The following ZNF782 variants were observed in gnomAD, a reference collection of about 807,000 sequenced individuals.
The protein encoded by ZNF782 is zinc finger protein 782.
A neutral mutation model predicts 13.0 loss-of-function variants in ZNF782; 12 were observed. That is an observed-to-expected ratio of 0.92 (90% CI 0.59 to 1.50). ZNF782 has a LOEUF of 1.50. Among genes scored for constraint, ZNF782 ranks in the 40% most tolerant of loss-of-function variants. The probability of loss-of-function intolerance (pLI) is 0.00; values close to 1 mark genes in which losing one functional copy is unlikely to be tolerated. For synonymous variants in ZNF782, 284 were observed against 283.0 expected (o/e 1.00, Z -0.04); for missense variants, 770 against 822.9 (o/e 0.94, Z 0.79).
At chr9:96,879,970 C>CTTT (rs980460970), upstream of ZNF782, among the ~76,000 whole-genome samples, 32 of 151,032 alleles carry the variant, frequency 2.1e-4, no homozygotes, top group Admixed American at 8.6e-4. Flanking sequence ...ATTTGTATGC[C>CTTT]TTTTCTTTTC....
the ZNF782 span, chr9:96,902,779 T>TTTATTATTATTATTATTA: frequency 4.3e-3 from 600 of 138,796 alleles, 8 homozygotes; most frequent in African/African-American, 0.015. Flanking sequence ...GTTCTATCAG[T>TTTATTATTATTATTATTA]TTATTATTAT....
At chr9:96,925,107 G>A in the ZNF782 span, among the ~76,000 whole-genome samples, 2 of 152,160 alleles carry the variant, frequency 1.3e-5, no homozygotes, top group African/African-American at 2.4e-5. Context: ...CTCGCGCTGC[G>A]TCGTCTCCCT....
chr9:96,870,239 G>A (rs1245037983), intron 1 of ZNF782, among the ~76,000 whole-genome samples: 1 of 152,136 alleles, frequency 6.6e-6, no homozygotes, highest in Non-Finnish European at 1.5e-5. Context: ...TTTTCTATTT[G>A]ATTGTCTTTC....
chr9:96,851,915 A>T (rs1347005878), intron 3 of ZNF782, 32 bp downstream of exon 3: 1 of 1,608,542 alleles, frequency 6.2e-7, no homozygotes, highest in Admixed American at 1.7e-5. Context: ...AATCCATTAC[A>T]ATACAAAGTG....
At chr9:96,823,800 T>C (rs1054659585) in intron 5 of ZNF782, among the ~76,000 whole-genome samples, 2 of 152,250 alleles carry the variant, frequency 1.3e-5, no homozygotes, top group African/African-American at 2.4e-5. Context: ...TTAGTTGATA[T>C]GGCAAATATG....
the ZNF782 span, among the ~76,000 whole-genome samples, chr9:96,901,510 G>A: frequency 6.6e-6 from 1 of 151,690 alleles, no homozygotes; most frequent in Admixed American, 6.6e-5. Flanking sequence ...GACCTAAGGA[G>A]ATCCTCCCAC....
the ZNF782 span, among the ~76,000 whole-genome samples, chr9:96,919,565 GTTTT>G: frequency 2.0e-5 from 2 of 98,306 alleles, no homozygotes; most frequent in Admixed American, 1.0e-4. Flanking sequence ...TCTCAAATGA[GTTTT>G]TTTTTTTTTT....
the ZNF782 span, among the ~76,000 whole-genome samples, chr9:96,917,869 T>A: frequency 2.0e-5 from 3 of 147,664 alleles, no homozygotes; most frequent in African/African-American, 7.6e-5. Flanking sequence ...GATTACAGAT[T>A]CATACCACCA....
intron 3 of ZNF782, among the ~76,000 whole-genome samples, chr9:96,851,657 A>T (rs1250365582): frequency 6.6e-6 from 1 of 152,210 alleles, no homozygotes; most frequent in African/African-American, 2.4e-5. Flanking sequence ...CCATTATATT[A>T]TTCACAATAT....
chr9:96,831,481 G>A (rs972844227), intron 4 of ZNF782, among the ~76,000 whole-genome samples: 1 of 152,014 alleles, frequency 6.6e-6, no homozygotes, highest in Non-Finnish European at 1.5e-5. Flanking sequence ...AGGCCGAGAC[G>A]GGCGGATCAC....
intron 4 of ZNF782, among the ~76,000 whole-genome samples, chr9:96,839,943 C>G (rs2118661581): frequency 6.6e-6 from 1 of 152,200 alleles, no homozygotes; most frequent in East Asian, 1.9e-4. Context: ...TGTTGATATT[C>G]TATTGCTCTT....
upstream of ZNF782, among the ~76,000 whole-genome samples, chr9:96,878,099 A>T (rs1013322769): frequency 2.0e-5 from 3 of 152,224 alleles, no homozygotes. Context: ...CCCAAGCTGG[A>T]GTGCAATGCT....
the ZNF782 span, among the ~76,000 whole-genome samples, chr9:96,920,234 G>GGATAGGTCTCTAAATGCAT: frequency 2.0e-5 from 3 of 149,446 alleles, no homozygotes; most frequent in Admixed American, 6.7e-5. Context: ...TCTAAATGCA[G>GGATAGGTCTCTAAATGCAT]TGGATAGGTG....
chr9:96,912,126 G>A, the ZNF782 span, among the ~76,000 whole-genome samples: 10 of 149,420 alleles, frequency 6.7e-5, no homozygotes, highest in African/African-American at 9.8e-5. Flanking sequence ...GCTTCAACCC[G>A]GGAGTCGGAG....
the ZNF782 span, among the ~76,000 whole-genome samples, chr9:96,905,401 A>G: frequency 6.6e-6 from 1 of 151,806 alleles, no homozygotes; most frequent in Non-Finnish European, 1.5e-5. Context: ...GTTACTCTAT[A>G]TGGTCTAAAA....
At chr9:96,874,962 C>T (rs1851875798) in intron 1 of ZNF782, among the ~76,000 whole-genome samples, 1 of 152,206 alleles carries the variant, frequency 6.6e-6, no homozygotes, top group Non-Finnish European at 1.5e-5. Flanking sequence ...TACCAGAAAG[C>T]CTAAAATATA....
chr9:96,883,402 T>C, the ZNF782 span, among the ~76,000 whole-genome samples: 28 of 152,100 alleles, frequency 1.8e-4, no homozygotes, highest in Admixed American at 3.3e-4. Context: ...GTAGCTCCTC[T>C]GAAATCACCT....
intron 4 of ZNF782, among the ~76,000 whole-genome samples, chr9:96,833,875 C>G (rs1304691290): frequency 6.6e-6 from 1 of 151,962 alleles, no homozygotes; most frequent in African/African-American, 2.4e-5. Context: ...GGGTTATGAA[C>G]CAATACTATG....
chr9:96,888,538 A>G, the ZNF782 span: 1 of 152,244 alleles, frequency 6.6e-6, no homozygotes, highest in African/African-American at 2.4e-5. Context: ...TGAATAATAT[A>G]AAAACAAATT....
Sources: allele counts gnomAD v4.1 joint callset (sites outside exome capture counted in the v4.1 genomes callset), GRCh38; gene constraint gnomAD v4.1.1; transcripts MANE v1.5; gene names NCBI Gene and HGNC (gene_info 2026-07-23, HGNC 2026-07-21).